The following THADA variants were observed in gnomAD, a reference collection of about 807,000 sequenced individuals.
THADA encodes the protein THADA armadillo repeat containing.
In THADA, 213 loss-of-function variants were observed where a neutral mutation model predicts 219.8. That is an observed-to-expected ratio of 0.97 (90% CI 0.87 to 1.09). The LOEUF is 1.09. Ranked by LOEUF, THADA falls within the 50% of genes least tolerant of loss-of-function variation. The pLI, the probability that THADA is intolerant of heterozygous loss-of-function variation, is 0.00. For synonymous variants in THADA, 1,018 were observed against 828.9 expected (o/e 1.23, Z -3.92); for missense variants, 2,956 against 2,311.3 (o/e 1.28, Z -5.72).
intron 16 of THADA, 81 bp downstream of exon 16, chr2:43,560,153 T>A: frequency 8.0e-7 from 1 of 1,246,988 alleles, no homozygotes; most frequent in Non-Finnish European, 1.1e-6. Context: ...GCAAAGCACA[T>A]GAATAATCCT....
Position 43,549,357 on chromosome 2 carries a change from G to C in THADA, c.2959C>G (p.Arg987Gly). Residue 987 changes from arginine to glycine, a missense_variant, in exon 20 of 38, where the codon CGC (arginine) becomes GGC (glycine). Transcript: ENST00000405975. Reference protein sequence around the residue: ...PMDTDSESASRLQMILNEIQP... With the variant: ...PMDTDSESASGLQMILNEIQP... ...ATCTCATTCAGAATCATCTGTAAGCGGCTTGCTGACTCTGAGGGAAAGAAA... is the reference window on the plus strand; with the variant it reads ...ATCTCATTCAGAATCATCTGTAAGCCGCTTGCTGACTCTGAGGGAAAGAAA... 1 of 1,601,930 alleles carries C rather than the reference G, an allele frequency of 6.2e-7. No homozygotes were observed. Among genetic ancestry groups the C allele is most frequent in the Non-Finnish European group, 8.5e-7 (1 of 1,174,730 alleles).
intron 26 of THADA, among the ~76,000 whole-genome samples, chr2:43,476,723 C>T (rs1685594972): frequency 6.6e-6 from 1 of 152,178 alleles, no homozygotes; most frequent in Non-Finnish European, 1.5e-5. Context: ...ACTCTTCACC[C>T]ACCCCACAAA....
At chr2:43,410,160 C>T (rs373407641) in intron 28 of THADA, among the ~76,000 whole-genome samples, 1 of 152,048 alleles carries the variant, frequency 6.6e-6, no homozygotes, top group Non-Finnish European at 1.5e-5. Flanking sequence ...CATCCTTAGA[C>T]GTTAGTAAAG....
intron 28 of THADA, 23 bp from the exon 29 acceptor site, chr2:43,398,162 G>C: frequency 1.2e-6 from 2 of 1,610,386 alleles, no homozygotes; most frequent in Non-Finnish European, 1.7e-6. Context: ...AAAAACACAA[G>C]ACCATTCAAT....
chr2:43,257,940 G>C (rs896756739), intron 36 of THADA, among the ~76,000 whole-genome samples: 1 of 152,134 alleles, frequency 6.6e-6, no homozygotes, highest in African/African-American at 2.4e-5. Context: ...GGGAGGAAGG[G>C]GAGGTACAGA....
intron 35 of THADA, among the ~76,000 whole-genome samples, chr2:43,280,363 G>A (rs1175464543): frequency 6.6e-6 from 1 of 152,218 alleles, no homozygotes; most frequent in African/African-American, 2.4e-5. Context: ...GCTAGGTGTG[G>A]TGGCTCATGC....
At chr2:43,453,546 A>C (rs1261203753) in intron 26 of THADA, among the ~76,000 whole-genome samples, 1 of 152,208 alleles carries the variant, frequency 6.6e-6, no homozygotes, top group Non-Finnish European at 1.5e-5. Flanking sequence ...GGCAGCAGTA[A>C]GTAGGTTGGT....
At chr2:43,245,022 T>C (rs1668988767) in intron 36 of THADA, among the ~76,000 whole-genome samples, 1 of 152,210 alleles carries the variant, frequency 6.6e-6, no homozygotes. Flanking sequence ...CCTCCTCTCC[T>C]CTGCCTGGGC....
chr2:43,547,215 C>T (rs1696146419), intron 20 of THADA, among the ~76,000 whole-genome samples: 1 of 152,212 alleles, frequency 6.6e-6, no homozygotes, highest in South Asian at 2.1e-4. Flanking sequence ...TCTCTTCTGG[C>T]TTATAGAGTT....
chr2:43,520,989 A>AGG (rs1692372634), intron 22 of THADA, among the ~76,000 whole-genome samples: 1 of 50,220 alleles, frequency 2.0e-5, no homozygotes, highest in Non-Finnish European at 4.3e-5. Flanking sequence ...GGAAGGGAGG[A>AGG]AAGGGAGGAA....
intron 36 of THADA, among the ~76,000 whole-genome samples, chr2:43,245,163 TTTC>T (rs1156413731): frequency 2.8e-4 from 37 of 133,844 alleles, no homozygotes; most frequent in Admixed American, 2.1e-3. Context: ...AGCTTCTTTC[TTTC>T]TTCTTCTTTT....
chr2:43,529,156 T>C (rs10173328), intron 21 of THADA, among the ~76,000 whole-genome samples: 1 of 144,384 alleles, frequency 6.9e-6, no homozygotes, highest in Non-Finnish European at 1.5e-5. Context: ...TGACTTTTTT[T>C]AAAAAAAAAA....
chr2:43,383,746 C>G (rs1394179746), intron 29 of THADA, among the ~76,000 whole-genome samples: 14 of 152,132 alleles, frequency 9.2e-5, no homozygotes, highest in Admixed American at 9.2e-4. Context: ...TGACAAGGTT[C>G]TCTAAACTGT....
At chr2:43,355,391 C>T (rs1668764802) in intron 29 of THADA, among the ~76,000 whole-genome samples, 1 of 152,280 alleles carries the variant, frequency 6.6e-6, no homozygotes, top group Non-Finnish European at 1.5e-5. Flanking sequence ...TCTTCGCCAG[C>T]ACTCATTATT....
chr2:43,576,928 G>A (rs1439421372), intron 10 of THADA, 94 bp downstream of exon 10: 13 of 1,115,738 alleles, frequency 1.2e-5, no homozygotes, highest in Non-Finnish European at 1.7e-5. Flanking sequence ...AGGGTAGCTG[G>A]GATTAGAGGC....
chr2:43,417,500 T>TA (rs369091543), intron 28 of THADA, among the ~76,000 whole-genome samples: 113 of 152,320 alleles, frequency 7.4e-4, no homozygotes, highest in African/African-American at 2.6e-3. Context: ...CACAACCACT[T>TA]AAGCTTTATT....
chr2:43,450,238 TATAACTTC>T (rs1682140211), intron 26 of THADA, among the ~76,000 whole-genome samples: 1 of 152,214 alleles, frequency 6.6e-6, no homozygotes, highest in African/African-American at 2.4e-5. Flanking sequence ...CCAGTATTAT[TATAACTTC>T]ATACTTTGTT....
intron 36 of THADA, among the ~76,000 whole-genome samples, chr2:43,242,784 C>T (rs115704916): frequency 0.01 from 1,568 of 152,304 alleles, 9 homozygotes; most frequent in Non-Finnish European, 0.018. Context: ...CCACTGTGCC[C>T]GGCCCAGCAC....
rs527440769 is a variant in THADA at position 43,532,784 on chromosome 2, A to T, written c.3265-4796T>A. On this transcript the variant is annotated intron_variant, in intron 21 of 37. Coordinates refer to ENST00000405975, the MANE Select transcript of THADA (RefSeq NM_022065.5). ...AGGCAAGAGAAAGAAACAAAACCAT[A>T]AAAACCCTAGAAGAAAACCTAGGCA... is the stretch of plus-strand genomic sequence containing the variant. 8.8e-4 allele frequency among the ~76,000 whole-genome samples: 134 copies of T among 152,292 alleles called. 1 individual carries two copies. Among genetic ancestry groups the T allele is most frequent in the African/African-American group, 3.0e-3 (126 of 41,548 alleles).
Sources: gnomAD v4.1 joint callset for allele counts (sites outside exome capture counted in the v4.1 genomes callset) on GRCh38, gnomAD v4.1.1 for gene constraint, MANE v1.5 for transcripts, NCBI Gene and HGNC (gene_info 2026-07-23, HGNC 2026-07-21) for gene names.